The following FAM120C variants were observed in gnomAD, a reference collection of about 807,000 sequenced individuals.
FAM120C encodes constitutive coactivator of PPAR-gamma-like protein 2.
A neutral mutation model predicts 71.2 loss-of-function variants in FAM120C; 14 were observed. The observed-to-expected ratio is 0.20, with a 90% confidence interval of 0.13 to 0.31. The LOEUF (loss-of-function observed/expected upper bound fraction) is 0.31. Ranked by LOEUF, FAM120C falls within the 10% of genes least tolerant of loss-of-function variation. The pLI is 1.00. For synonymous variants in FAM120C, 354 were observed against 353.2 expected, an observed-to-expected ratio of 1.00 and a Z score of -0.03; for missense variants, 500 against 879.0, an observed-to-expected ratio of 0.57 and a Z score of 5.45.
chrX:54,111,621 G>C (rs1000979209), intron 10 of FAM120C, among the ~76,000 whole-genome samples: 7 of 110,431 alleles, frequency 6.3e-5, no homozygotes, highest in African/African-American at 2.3e-4. Flanking sequence ...AAACACAGAT[G>C]AAAGAAATTA....
chrX:54,109,816 A>G lies in FAM120C; in HGVS notation c.2312+6729T>C, dbSNP rs781916408. Among the ~76,000 whole-genome samples, 482 of 97,688 alleles carry G rather than the reference A, an allele frequency of 4.9e-3. 2 individuals are homozygous for G. Among genetic ancestry groups the G allele is most frequent in the Non-Finnish European group, 7.2e-3 (347 of 48,395 alleles). The allele number at this position is 97,688 out of a possible 115,157, so 84.8% of individuals were successfully genotyped here. On this transcript the variant is annotated intron_variant, in intron 10 of 15. Coordinates refer to ENST00000375180, the MANE Select transcript of FAM120C (RefSeq NM_017848.6). The stretch of plus-strand genomic sequence containing the variant: ...TGGGTGACAGAGCGAGACTCCGTCT[A>G]AAAAAAAAAACCAAACATGGTACAT...
At chrX:54,160,289 C>G (rs1203430603) in intron 1 of FAM120C, among the ~76,000 whole-genome samples, 1 of 110,770 alleles carries the variant, frequency 9.0e-6, no homozygotes, top group Non-Finnish European at 1.9e-5. Context: ...TGCTTTTTTT[C>G]TTAGTAGCAC....
chrX:54,072,074 T>C lies in FAM120C; in HGVS notation c.*959A>G, dbSNP rs948615969. 8 of 104,355 alleles carry C rather than the reference T, an allele frequency of 7.7e-5. No individual in the cohort carries two copies. The East Asian group carries it at 2.4e-3, about 32-fold the overall frequency. The allele number at this position is 104,355 out of a possible 1,213,427, so 8.6% of individuals were successfully genotyped here. ...AGATAAATAGATCTGTCTCTTTATA[T>C]AAAGGGTATGTGTATGCATATACAC... is the stretch of plus-strand genomic sequence containing the variant. On this transcript the variant is annotated 3_prime_UTR_variant, in exon 16 of 16. Coordinates refer to ENST00000375180, the MANE Select transcript of FAM120C (RefSeq NM_017848.6).
chrX:54,078,092 C>A (rs1393274446), intron 15 of FAM120C, among the ~76,000 whole-genome samples: 1 of 104,108 alleles, frequency 9.6e-6, no homozygotes, highest in Non-Finnish European at 2.0e-5. Context: ...TACAGGCGCC[C>A]GCTACCACGC....
intron 9 of FAM120C, 126 bp from the exon 10 acceptor site, chrX:54,116,920 T>TTTTTA (rs2066970906): frequency 1.2e-6 from 1 of 827,077 alleles, no homozygotes; most frequent in African/African-American, 2.1e-5. Flanking sequence ...ATAATTTTTA[T>TTTTTA]TTTTAGCAGC....
intron 10 of FAM120C, among the ~76,000 whole-genome samples, chrX:54,112,200 T>C (rs1381705842): frequency 1.8e-5 from 2 of 109,167 alleles, no homozygotes; most frequent in African/African-American, 6.7e-5. Flanking sequence ...GTGGATCACC[T>C]GAGGTCAGGA....
intron 1 of FAM120C, among the ~76,000 whole-genome samples, chrX:54,173,030 G>C: frequency 8.9e-6 from 1 of 112,213 alleles, no homozygotes; most frequent in African/African-American, 3.2e-5. Context: ...TCCTACCTTT[G>C]CAAATGCTTG....
At chrX:54,085,584 T>C in intron 13 of FAM120C, 131 bp downstream of exon 13, 2 of 600,369 alleles carry the variant, frequency 3.3e-6, no homozygotes, top group Non-Finnish European at 5.0e-6. Flanking sequence ...TGAAACTCCG[T>C]CTAAAAAAAA....
At chrX:54,114,406 TATAAAA>T (rs1208620424) in intron 10 of FAM120C, among the ~76,000 whole-genome samples, 2 of 111,447 alleles carry the variant, frequency 1.8e-5, no homozygotes, top group African/African-American at 6.5e-5. Context: ...CCCTTAAATC[TATAAAA>T]ATAAAGTTTT....
At chrX:54,077,613 G>A (rs1465282010) in intron 15 of FAM120C, among the ~76,000 whole-genome samples, 1 of 110,988 alleles carries the variant, frequency 9.0e-6, no homozygotes, top group Non-Finnish European at 1.9e-5. Context: ...AGCCTGGGAG[G>A]TTGAGGCTGC....
At chrX:54,150,492 A>G (rs1215228095) in intron 4 of FAM120C, among the ~76,000 whole-genome samples, 2 of 111,668 alleles carry the variant, frequency 1.8e-5, no homozygotes, top group East Asian at 5.6e-4. Context: ...TTTATTTTCA[A>G]ATTTCTTTGG....
Position 54,182,965 on chromosome X carries a change from G to A in FAM120C, c.234C>T (p.Gly78=). The A allele has an allele frequency of 8.6e-7, 1 of 1,161,252 alleles. No individual in the cohort carries two copies. The highest frequency in any genetic ancestry group is 1.8e-5 in the African/African-American group (1 of 55,809). ...GGTGATGGTGCCGAGTCGGCCCCGC[G>A]CCCCCGGAGTAGGCACCCAAGGCAG... ...PPAALGAYSG[G]AGPTRHHHPA... Residue 78 remains glycine, a synonymous_variant, in exon 1 of 16, where the codon GGC becomes GGT. Transcript: ENST00000375180.
At chrX:54,080,948 T>C (rs1340231200) in intron 14 of FAM120C, among the ~76,000 whole-genome samples, 4 of 108,588 alleles carry the variant, frequency 3.7e-5, no homozygotes, top group Admixed American at 3.0e-4. Flanking sequence ...GACGGGAGGA[T>C]TGTTTGAGCC....
chrX:54,072,668 C>G lies in FAM120C; in HGVS notation c.*365G>C, dbSNP rs1344030613. 1 of 133,617 alleles carries G rather than the reference C, an allele frequency of 7.5e-6. No individual in the cohort carries two copies. Among genetic ancestry groups the G allele is most frequent in the Non-Finnish European group, 1.5e-5 (1 of 68,224 alleles). The allele number at this position is 133,617 out of a possible 1,213,427, so 11.0% of individuals were successfully genotyped here. Reference sequence around the variant, plus strand: ...GATAATGAGTATCATTATAAATGCTCAGAAAAACCAAAGCTAGAGCTTTTC... The same window carrying G: ...GATAATGAGTATCATTATAAATGCTGAGAAAAACCAAAGCTAGAGCTTTTC... On this transcript the variant is annotated 3_prime_UTR_variant, in exon 16 of 16. Transcript: ENST00000375180.
chrX:54,125,602 G>A (rs935591962), intron 9 of FAM120C, among the ~76,000 whole-genome samples: 2 of 113,087 alleles, frequency 1.8e-5, no homozygotes, highest in African/African-American at 6.4e-5. Context: ...GGCCATGCCT[G>A]GCCTACAATC....
intron 9 of FAM120C, among the ~76,000 whole-genome samples, chrX:54,132,179 C>T (rs2067071605): frequency 9.0e-6 from 1 of 110,943 alleles, no homozygotes; most frequent in East Asian, 2.8e-4. Flanking sequence ...TCTCAGCCCC[C>T]CAAGTAGCTG....
At chrX:54,094,904 C>A (rs2066842576) in intron 10 of FAM120C, among the ~76,000 whole-genome samples, 1 of 85,593 alleles carries the variant, frequency 1.2e-5, no homozygotes, top group African/African-American at 4.3e-5. Context: ...GACTCCATCT[C>A]AAAAAAAAAA....
At chrX:54,136,674 A>G (rs1227594729) in intron 4 of FAM120C, 84 bp from the exon 5 acceptor site, 2 of 668,271 alleles carry the variant, frequency 3.0e-6, no homozygotes, top group African/African-American at 4.4e-5. Context: ...AATCAAAATA[A>G]TTATCAGAAA....
At chrX:54,161,821 G>A (rs1268903375) in intron 1 of FAM120C, among the ~76,000 whole-genome samples, 4 of 111,734 alleles carry the variant, frequency 3.6e-5, no homozygotes, top group African/African-American at 1.3e-4. Flanking sequence ...TAGTAGAGAC[G>A]GGGTTTCACC....
Sources: allele counts gnomAD v4.1 joint callset (sites outside exome capture counted in the v4.1 genomes callset), GRCh38; gene constraint gnomAD v4.1.1; transcripts MANE v1.5; gene names NCBI Gene and HGNC (gene_info 2026-07-23, HGNC 2026-07-21).